Variants in ROBO1 observed in about 807,000 individuals in gnomAD.
ROBO1 encodes the protein roundabout guidance receptor 1.
In ROBO1, 149 loss-of-function variants were observed where a neutral mutation model predicts 195.9. The observed-to-expected ratio is 0.76, with a 90% CI of 0.67 to 0.87. ROBO1 has a LOEUF of 0.87. ROBO1 is among the 40% of genes least tolerant of loss of function. The pLI is 0.00. For missense variants in ROBO1, 1,933 were observed against 2,068.3 expected (o/e 0.93, Z 1.27); for synonymous variants, 816 against 733.2 (o/e 1.11, Z -1.82).
intron 10 of ROBO1, among the ~76,000 whole-genome samples, chr3:78,675,334 A>G (rs1708345608): frequency 6.6e-6 from 1 of 152,068 alleles, no homozygotes; most frequent in Non-Finnish European, 1.5e-5. Context: ...TGGGTGGAGC[A>G]CACAGTTCGC....
chr3:79,332,542 T>A (rs1180327735), intron 2 of ROBO1, among the ~76,000 whole-genome samples: 1 of 152,194 alleles, frequency 6.6e-6, no homozygotes, highest in Non-Finnish European at 1.5e-5. Context: ...GTATCTTTAC[T>A]TGTTTTCCCA....
At chr3:79,019,382 C>T in intron 3 of ROBO1, 1 of 985,902 alleles carries the variant, frequency 1.0e-6, no homozygotes. Context: ...AGACGGCCGC[C>T]GCGGCTCACC....
chr3:78,807,425 G>C (rs2084579907), intron 4 of ROBO1, among the ~76,000 whole-genome samples: 1 of 151,962 alleles, frequency 6.6e-6, no homozygotes, highest in African/African-American at 2.4e-5. Context: ...CTGGATTTCA[G>C]AGAAAAAAAA....
chr3:79,247,156 T>C (rs2082640495), intron 2 of ROBO1, among the ~76,000 whole-genome samples: 1 of 141,910 alleles, frequency 7.0e-6, no homozygotes, highest in African/African-American at 2.8e-5. Context: ...AGAAGTATAA[T>C]AGAGACAATG....
chr3:79,510,450 G>A (rs139248111), intron 2 of ROBO1, among the ~76,000 whole-genome samples: 21 of 151,916 alleles, frequency 1.4e-4, no homozygotes, highest in African/African-American at 4.1e-4. Flanking sequence ...TTTCTTCATC[G>A]CACCATGAGA....
intron 2 of ROBO1, among the ~76,000 whole-genome samples, chr3:79,390,799 A>T (rs748880291): frequency 8.5e-5 from 13 of 152,070 alleles, no homozygotes; most frequent in African/African-American, 1.9e-4. Context: ...ATTGGCAGCC[A>T]AATTTGAGTA....
chr3:79,602,920 T>A (rs1944379643), intron 1 of ROBO1, among the ~76,000 whole-genome samples: 1 of 151,976 alleles, frequency 6.6e-6, no homozygotes, highest in Non-Finnish European at 1.5e-5. Flanking sequence ...TTTTTGCATG[T>A]TAGATCTTGG....
chr3:79,163,338 G>A (rs1032461647), intron 2 of ROBO1, among the ~76,000 whole-genome samples: 6 of 152,106 alleles, frequency 3.9e-5, no homozygotes, highest in African/African-American at 1.4e-4. Flanking sequence ...GTTCATCCAT[G>A]TTGCAGCATG....
intron 17 of ROBO1, 146 bp downstream of exon 17, chr3:78,659,540 A>G (rs1707245201): frequency 5.5e-6 from 3 of 550,058 alleles, no homozygotes; most frequent in Non-Finnish European, 8.3e-6. Flanking sequence ...TAAACAAGAA[A>G]GCGTTTTAAA....
chr3:79,673,323 T>TGGGTGTGG (rs1465294516), intron 1 of ROBO1, among the ~76,000 whole-genome samples: 1 of 151,944 alleles, frequency 6.6e-6, no homozygotes, highest in Non-Finnish European at 1.5e-5. Context: ...TATATGTGTG[T>TGGGTGTGG]GGGTGTGGGT....
chr3:79,725,101 G>A (rs898720083), intron 1 of ROBO1, among the ~76,000 whole-genome samples: 4 of 152,038 alleles, frequency 2.6e-5, no homozygotes, highest in Admixed American at 6.6e-5. Flanking sequence ...CAGTGATAAG[G>A]CATTGGTGTT....
chr3:79,117,828 A>G (rs1440323796), intron 3 of ROBO1, among the ~76,000 whole-genome samples: 1 of 152,218 alleles, frequency 6.6e-6, no homozygotes, highest in African/African-American at 2.4e-5. Context: ...TGAAAAAAAT[A>G]TTTACAGGAA....
chr3:78,774,468 G>A (rs920761398), intron 4 of ROBO1, among the ~76,000 whole-genome samples: 7 of 151,836 alleles, frequency 4.6e-5, no homozygotes, highest in Admixed American at 6.6e-5. Flanking sequence ...CTGCCACCAC[G>A]CCCAGCTAAT....
chr3:79,463,505 A>G (rs569785228), intron 2 of ROBO1, among the ~76,000 whole-genome samples: 16 of 152,132 alleles, frequency 1.1e-4, no homozygotes, highest in African/African-American at 3.9e-4. Flanking sequence ...ACAGTCAGTT[A>G]AAAGAAAAAG....
intron 2 of ROBO1, among the ~76,000 whole-genome samples, chr3:79,201,505 G>A (rs2081762830): frequency 6.6e-6 from 1 of 151,872 alleles, no homozygotes; most frequent in South Asian, 2.1e-4. Flanking sequence ...CTACTAATGG[G>A]GAAACTGAGG....
chr3:78,938,114 T>C (rs2039918491), intron 4 of ROBO1: 1 of 160,166 alleles, frequency 6.2e-6, no homozygotes, highest in Non-Finnish European at 1.4e-5. Context: ...CCTGATCCTG[T>C]TCACTCCTCC....
chr3:79,499,873 C>T (rs1450459001), intron 2 of ROBO1, among the ~76,000 whole-genome samples: 1 of 152,150 alleles, frequency 6.6e-6, no homozygotes, highest in African/African-American at 2.4e-5. Flanking sequence ...GGGGCGCAAT[C>T]TTGGCTCTCT....
intron 2 of ROBO1, among the ~76,000 whole-genome samples, chr3:79,409,356 T>A (rs2037677840): frequency 6.6e-6 from 1 of 152,150 alleles, no homozygotes; most frequent in African/African-American, 2.4e-5. Flanking sequence ...TAACTTGATA[T>A]TTTTTGGAAA....
chr3:79,412,192 G>C (rs1478594185), intron 2 of ROBO1, among the ~76,000 whole-genome samples: 1 of 152,052 alleles, frequency 6.6e-6, no homozygotes, highest in African/African-American at 2.4e-5. Flanking sequence ...TCTCAACAAG[G>C]CTTCTATTTG....
Sources: gnomAD v4.1 joint callset for allele counts (sites outside exome capture counted in the v4.1 genomes callset) on GRCh38, gnomAD v4.1.1 for gene constraint, MANE v1.5 for transcripts, NCBI Gene and HGNC (gene_info 2026-07-23, HGNC 2026-07-21) for gene names.